The following SLC9A9 variants were observed in gnomAD, a reference collection of about 807,000 sequenced individuals.
SLC9A9 encodes the protein solute carrier family 9 member A9, also known as sodium/hydrogen exchanger 9.
SLC9A9 carries 62 observed loss-of-function variants against 77.8 expected under a neutral mutation model. That is an observed-to-expected ratio of 0.80 (90% CI 0.65 to 0.98). The LOEUF (loss-of-function observed/expected upper bound fraction) is 0.98. Among genes scored for constraint, SLC9A9 ranks in the 50% least tolerant of loss-of-function variants. SLC9A9 has a pLI of 0.00. For synonymous variants in SLC9A9, 320 were observed against 283.5 expected (o/e 1.13, Z -1.29); for missense variants, 775 against 774.9 (o/e 1.00, Z 0.00).
intron 4 of SLC9A9, among the ~76,000 whole-genome samples, chr3:143,770,264 T>C (rs1190619084): frequency 6.6e-6 from 1 of 151,822 alleles, no homozygotes; most frequent in Admixed American, 6.6e-5. Context: ...GAAGAGAAAA[T>C]AGCAATATTC....
chr3:143,759,967 C>T (rs186992475), intron 4 of SLC9A9, among the ~76,000 whole-genome samples: 14 of 152,154 alleles, frequency 9.2e-5, no homozygotes, highest in African/African-American at 2.4e-4. Flanking sequence ...AAATCTCACA[C>T]GGTTTATTGT....
intron 5 of SLC9A9, among the ~76,000 whole-genome samples, chr3:143,663,688 G>A (rs775457524): frequency 9.2e-5 from 14 of 152,262 alleles, no homozygotes; most frequent in South Asian, 4.1e-4. Context: ...TTCAGTAGCC[G>A]ATTCCATCAA....
intron 14 of SLC9A9, among the ~76,000 whole-genome samples, chr3:143,357,830 G>A (rs1173573038): frequency 6.6e-6 from 1 of 152,136 alleles, no homozygotes; most frequent in Admixed American, 6.5e-5. Context: ...CAATCACAAG[G>A]CCACAGCGAA....
intron 5 of SLC9A9, among the ~76,000 whole-genome samples, chr3:143,683,769 C>G (rs747154071): frequency 6.6e-6 from 1 of 151,966 alleles, no homozygotes; most frequent in Non-Finnish European, 1.5e-5. Flanking sequence ...GTGTTTTATT[C>G]AAAGCAAAAT....
Position 143,265,864 on chromosome 3 carries a change from A to C in SLC9A9, c.*838T>G. 1.7e-6 allele frequency: 1 copy of C among 599,008 alleles called. No homozygotes were observed. 37.1% of individuals were successfully genotyped at this position (599,008 alleles called of 1,614,324 possible). The stretch of plus-strand genomic sequence containing the variant: ...AGGTAGAGAGCAACACAGGCTGCAG[A>C]ATCCTACCCTCCAGCATATCGCGGG... On this transcript the variant is annotated 3_prime_UTR_variant, in exon 16 of 16. Transcript: ENST00000316549.
At chr3:143,584,672 T>C (rs2037512640) in intron 6 of SLC9A9, among the ~76,000 whole-genome samples, 1 of 152,242 alleles carries the variant, frequency 6.6e-6, no homozygotes. Flanking sequence ...CATACATAAA[T>C]ATGAAATGGA....
At chr3:143,709,797 C>T (rs1934091188) in intron 4 of SLC9A9, among the ~76,000 whole-genome samples, 1 of 152,096 alleles carries the variant, frequency 6.6e-6, no homozygotes, top group Non-Finnish European at 1.5e-5. Context: ...AATGAAAAAA[C>T]GAGTGGGAGA....
intron 14 of SLC9A9, among the ~76,000 whole-genome samples, chr3:143,287,344 T>A (rs1190036363): frequency 1.3e-5 from 2 of 152,020 alleles, no homozygotes; most frequent in Non-Finnish European, 2.9e-5. Context: ...ATTTGATGAC[T>A]CGAAATAGTC....
chr3:143,398,118 C>T (rs1335681589), intron 12 of SLC9A9, among the ~76,000 whole-genome samples: 6 of 152,072 alleles, frequency 3.9e-5, no homozygotes, highest in Non-Finnish European at 1.5e-5. Flanking sequence ...ACCACCTTAC[C>T]ACCACATTGG....
intron 2 of SLC9A9, among the ~76,000 whole-genome samples, chr3:143,828,548 A>G (rs1455427191): frequency 6.6e-6 from 1 of 152,066 alleles, no homozygotes; most frequent in Non-Finnish European, 1.5e-5. Context: ...GAAAGAAACA[A>G]GCACATACCT....
intron 4 of SLC9A9, among the ~76,000 whole-genome samples, chr3:143,736,395 C>T (rs1042384226): frequency 7.2e-5 from 11 of 152,196 alleles, no homozygotes; most frequent in African/African-American, 2.4e-4. Flanking sequence ...ATTAAACAAA[C>T]ATTTACTAAG....
chr3:143,351,525 G>A (rs2032454621), intron 14 of SLC9A9, among the ~76,000 whole-genome samples: 1 of 152,180 alleles, frequency 6.6e-6, no homozygotes, highest in African/African-American at 2.4e-5. Context: ...GGAAGGTCAA[G>A]GAGAGGGATT....
At chr3:143,395,342 T>C (rs558217543) in intron 12 of SLC9A9, among the ~76,000 whole-genome samples, 2 of 152,310 alleles carry the variant, frequency 1.3e-5, no homozygotes, top group South Asian at 4.1e-4. Context: ...AAACAAGGAA[T>C]GGGGAAAGGA....
chr3:143,794,693 T>C (rs1283900916), intron 4 of SLC9A9, among the ~76,000 whole-genome samples: 1 of 152,158 alleles, frequency 6.6e-6, no homozygotes, highest in Non-Finnish European at 1.5e-5. Flanking sequence ...GCAGTGAGCA[T>C]ATCGGCATTA....
chr3:143,627,590 T>C, intron 6 of SLC9A9: 1 of 322,786 alleles, frequency 3.1e-6, no homozygotes, highest in Non-Finnish European at 6.0e-6. Flanking sequence ...CTGGCAGACC[T>C]CTCACTAACA....
chr3:143,638,867 G>A (rs2038573505), intron 6 of SLC9A9, among the ~76,000 whole-genome samples: 1 of 152,206 alleles, frequency 6.6e-6, no homozygotes, highest in African/African-American at 2.4e-5. Context: ...CAATAAGCCT[G>A]TCTTGTAAAT....
rs1028073465 is a variant in SLC9A9 at position 143,570,536 on chromosome 3, G to A, written c.1000+3552C>T. 3.9e-5 allele frequency among the ~76,000 whole-genome samples: 6 copies of A among 152,052 alleles called. No individual in the cohort carries two copies. In the East Asian group the frequency reaches 1.2e-3, roughly 29 times the overall value. On this transcript the variant is annotated intron_variant, in intron 8 of 15. Transcript: ENST00000316549. The stretch of plus-strand genomic sequence containing the variant: ...AAAAATTTATATCTCTAGCTATACA[G>A]ATTATCATTGCAGTAATAATAAGAA...
chr3:143,319,581 T>C (rs1237482579), intron 14 of SLC9A9, among the ~76,000 whole-genome samples: 1 of 152,218 alleles, frequency 6.6e-6, no homozygotes, highest in African/African-American at 2.4e-5. Flanking sequence ...GGGGTTTGTT[T>C]AATTAGCAGG....
At chr3:143,294,193 G>A (rs531865893) in intron 14 of SLC9A9, among the ~76,000 whole-genome samples, 30 of 152,168 alleles carry the variant, frequency 2.0e-4, no homozygotes, top group Non-Finnish European at 4.0e-4. Context: ...TTTTATTGTT[G>A]TGGGATTCAC....
Sources: gnomAD v4.1 joint callset for allele counts (sites outside exome capture counted in the v4.1 genomes callset) on GRCh38, gnomAD v4.1.1 for gene constraint, MANE v1.5 for transcripts, NCBI Gene and HGNC (gene_info 2026-07-23, HGNC 2026-07-21) for gene names.